TANC1: variants seen among roughly 807,000 people sequenced by gnomAD.
TANC1 encodes protein TANC1.
Under a neutral mutation model 149.7 loss-of-function variants are expected in TANC1, and 77 were observed. That is an observed-to-expected ratio of 0.51 (90% CI 0.43 to 0.62). The LOEUF (loss-of-function observed/expected upper bound fraction) is 0.62. Ranked by LOEUF, TANC1 falls within the 20% of genes least tolerant of loss-of-function variation. The pLI, the probability that TANC1 is intolerant of heterozygous loss-of-function variation, is 0.00. For missense variants in TANC1, 1,985 were observed against 2,321.8 expected (o/e 0.85, Z 2.98); for synonymous variants, 854 against 925.0 (o/e 0.92, Z 1.39).
intron 6 of TANC1, 43 bp from the exon 7 acceptor site, chr2:159,150,327 C>T (rs752126482): frequency 1.3e-6 from 2 of 1,529,004 alleles, no homozygotes; most frequent in East Asian, 4.5e-5. Flanking sequence ...GTCGAAGCAT[C>T]CTGTGTAAGC....
intron 4 of TANC1, among the ~76,000 whole-genome samples, chr2:159,128,656 A>G (rs1482392529): frequency 6.6e-6 from 1 of 152,106 alleles, no homozygotes; most frequent in Non-Finnish European, 1.5e-5. Flanking sequence ...AAGCACAGGG[A>G]GCCAGCCCAT....
intron 3 of TANC1, among the ~76,000 whole-genome samples, chr2:159,086,116 G>A (rs1404994507): frequency 6.6e-6 from 1 of 152,146 alleles, no homozygotes; most frequent in African/African-American, 2.4e-5. Context: ...GTGCAGCATG[G>A]TGGTCCACTA....
intron 19 of TANC1, among the ~76,000 whole-genome samples, chr2:159,208,348 A>G (rs1405217273): frequency 6.6e-6 from 1 of 152,252 alleles, no homozygotes; most frequent in Non-Finnish European, 1.5e-5. Context: ...TGAAGGATGG[A>G]AAAGAAAGGA....
chr2:159,219,617 C>A, intron 21 of TANC1, 75 bp from the exon 22 acceptor site: 1 of 1,567,378 alleles, frequency 6.4e-7, no homozygotes, highest in Admixed American at 1.7e-5. Context: ...GGGTGTTCCG[C>A]AGGTGTGAAA....
At chr2:159,011,335 C>CA (rs1223011343) in intron 2 of TANC1, among the ~76,000 whole-genome samples, 46 of 150,562 alleles carry the variant, frequency 3.1e-4, no homozygotes, top group East Asian at 1.2e-3. Context: ...ACAACAACAA[C>CA]AAAAAAAAAC....
chr2:159,217,592 C>T lies in TANC1; in HGVS notation c.3340C>T (p.Pro1114Ser). 6.2e-7 allele frequency: 1 copy of T among 1,614,214 alleles called. No homozygotes were observed. The highest frequency in any genetic ancestry group is 8.5e-7 in the Non-Finnish European group (1 of 1,180,050). ...GTCGCGGACAAACAGGAGAGGGGTT[C>T]CACCTTTGTTTTGTGCAGCACGCCA... ...AVSRTNRRGV[P>S]PLFCAARQGH... The change falls in exon 20 of 27, where the codon CCA (proline) becomes TCA (serine). Residue 1114 changes from proline (P) to serine (S), a missense_variant. This residue lies in a region of TANC1 where 920 missense variants were observed against 994.7 expected (regional missense o/e 0.92). Coordinates refer to ENST00000263635, the MANE Select transcript of TANC1 (RefSeq NM_033394.3).
chr2:158,990,731 C>T (rs2035533729), intron 1 of TANC1, among the ~76,000 whole-genome samples: 1 of 152,070 alleles, frequency 6.6e-6, no homozygotes, highest in Non-Finnish European at 1.5e-5. Context: ...CCTAGAGAGC[C>T]TGGTGAGTGT....
intron 3 of TANC1, among the ~76,000 whole-genome samples, chr2:159,093,825 G>A (rs1160143245): frequency 2.0e-5 from 3 of 151,956 alleles, no homozygotes; most frequent in Admixed American, 2.0e-4. Flanking sequence ...AAGGCTGAAG[G>A]TCCTCATGCT....
chr2:159,224,704 C>T (rs1004315391), intron 23 of TANC1: 3 of 248,582 alleles, frequency 1.2e-5, no homozygotes, highest in African/African-American at 4.3e-5. Flanking sequence ...TGAGCAGCAG[C>T]GGAGGCTGAG....
chr2:159,091,934 A>C (rs1574600340), intron 3 of TANC1, among the ~76,000 whole-genome samples: 1 of 147,800 alleles, frequency 6.8e-6, no homozygotes, highest in East Asian at 2.0e-4. Flanking sequence ...GATCTTGTGG[A>C]AGAAATCTTT....
chr2:159,225,829 CTCT>C (rs2059990785), intron 24 of TANC1, 50 bp downstream of exon 24: 1 of 1,361,084 alleles, frequency 7.3e-7, no homozygotes, highest in Non-Finnish European at 1.0e-6. Context: ...TGGGAGCACC[CTCT>C]TAATTGGGTA....
chr2:159,114,180 G>C (rs985085011), intron 4 of TANC1, among the ~76,000 whole-genome samples: 1 of 152,140 alleles, frequency 6.6e-6, no homozygotes, highest in Non-Finnish European at 1.5e-5. Context: ...ACAACGAGCT[G>C]ATACCAAAGA....
chr2:159,122,598 A>G (rs2048968859), intron 4 of TANC1, among the ~76,000 whole-genome samples: 1 of 152,104 alleles, frequency 6.6e-6, no homozygotes, highest in South Asian at 2.1e-4. Context: ...TGTAGTCAAC[A>G]CCCAACTCCT....
rs566375889 is a variant in TANC1 at position 159,169,715 on chromosome 2, A to G, written c.1069+343A>G. 2.6e-3 allele frequency among the ~76,000 whole-genome samples: 389 copies of G among 152,266 alleles called. 2 individuals are homozygous for G. Among genetic ancestry groups the G allele is most frequent in the African/African-American group, 8.8e-3 (367 of 41,552 alleles). ...TTTGTTTCAATTCTTGGACTAGGCC[A>G]GGCGCGGTGGCTCATGCCTGTAATC... On this transcript the variant is annotated intron_variant, in intron 9 of 26. Transcript: ENST00000263635.
chr2:159,059,932 T>G (rs1406992352), intron 2 of TANC1, among the ~76,000 whole-genome samples: 20 of 61,042 alleles, frequency 3.3e-4, no homozygotes, highest in Admixed American at 7.4e-4. Context: ...GTGTGTGTGG[T>G]TTTTTGTTGT....
chr2:159,040,343 C>T (rs2040531179), intron 2 of TANC1, among the ~76,000 whole-genome samples: 1 of 152,130 alleles, frequency 6.6e-6, no homozygotes, highest in Admixed American at 6.5e-5. Flanking sequence ...GGATAATATC[C>T]TGAAGAGTGT....
intron 2 of TANC1, among the ~76,000 whole-genome samples, chr2:159,038,775 G>A (rs1168685918): frequency 1.3e-5 from 2 of 152,014 alleles, no homozygotes; most frequent in Non-Finnish European, 2.9e-5. Context: ...GAGGATTTTT[G>A]CATCGATGTT....
chr2:159,049,135 AG>A (rs968637308), intron 2 of TANC1, among the ~76,000 whole-genome samples: 19 of 152,198 alleles, frequency 1.2e-4, no homozygotes, highest in African/African-American at 4.6e-4. Context: ...GTCTAAGGAG[AG>A]GGCCCTTTTA....
intron 3 of TANC1, among the ~76,000 whole-genome samples, chr2:159,094,431 C>CA (rs796554571): frequency 1.3e-5 from 2 of 152,322 alleles, no homozygotes; most frequent in African/African-American, 4.8e-5. Context: ...CTTGTAGGCA[C>CA]AGCACCTGCT....
Sources: gnomAD v4.1 joint callset for allele counts (sites outside exome capture counted in the v4.1 genomes callset) on GRCh38, gnomAD v4.1.1 for gene constraint, gnomAD v4.1.1 regional missense constraint, MANE v1.5 for transcripts, NCBI Gene and HGNC (gene_info 2026-07-23, HGNC 2026-07-21) for gene names.